The following ZFHX3 variants were observed in gnomAD, a reference collection of about 807,000 sequenced individuals.
The protein encoded by ZFHX3 is zinc finger homeobox 3, also known as zinc finger homeobox protein 3.
ZFHX3 carries 42 observed loss-of-function variants against 279.1 expected under a neutral mutation model. That is an observed-to-expected ratio of 0.15 (90% confidence interval 0.12 to 0.19). ZFHX3 has a LOEUF of 0.19. Ranked by LOEUF, ZFHX3 falls within the 10% of genes least tolerant of loss-of-function variation. The pLI, the probability that ZFHX3 is intolerant of heterozygous loss-of-function variation, is 1.00. For missense variants in ZFHX3, 4,981 were observed against 4,754.0 expected (o/e 1.05, Z -1.40); for synonymous variants, 2,293 against 1,957.8 (o/e 1.17, Z -4.52).
At chr16:73,847,406 T>C (rs544731905) in intron 1 of ZFHX3, among the ~76,000 whole-genome samples, 2 of 152,192 alleles carry the variant, frequency 1.3e-5, no homozygotes, top group African/African-American at 4.8e-5. Context: ...CCCTGGAAAA[T>C]GCATTCCCAT....
intron 3 of ZFHX3, among the ~76,000 whole-genome samples, chr16:73,404,704 C>T (rs559239489): frequency 4.6e-5 from 7 of 152,150 alleles, no homozygotes; most frequent in African/African-American, 7.2e-5. Context: ...CCCCGTTTTA[C>T]GCATAAGGAC....
intron 2 of ZFHX3, among the ~76,000 whole-genome samples, chr16:73,587,032 T>G (rs2051934361): frequency 6.6e-6 from 1 of 152,198 alleles, no homozygotes; most frequent in African/African-American, 2.4e-5. Context: ...ACAAGACCAC[T>G]GAAACAGGCT....
At chr16:73,462,780 G>A (rs1353423044) in intron 2 of ZFHX3, among the ~76,000 whole-genome samples, 1 of 152,058 alleles carries the variant, frequency 6.6e-6, no homozygotes, top group African/African-American at 2.4e-5. Context: ...GAGTCACGGT[G>A]TATCATTCTC....
chr16:72,839,635 C>T (rs1469654489), intron 4 of ZFHX3, among the ~76,000 whole-genome samples: 1 of 151,714 alleles, frequency 6.6e-6, no homozygotes, highest in African/African-American at 2.4e-5. Flanking sequence ...GCCCCACCCC[C>T]CCCAAAAAAA....
intron 3 of ZFHX3, among the ~76,000 whole-genome samples, chr16:73,364,037 G>C (rs926372883): frequency 3.9e-5 from 6 of 152,086 alleles, no homozygotes; most frequent in Non-Finnish European, 8.8e-5. Context: ...GCCGGGCATG[G>C]TGACGCATGC....
chr16:73,819,554 G>C (rs568584955), intron 1 of ZFHX3, among the ~76,000 whole-genome samples: 2 of 152,102 alleles, frequency 1.3e-5, no homozygotes, highest in Non-Finnish European at 2.9e-5. Context: ...CCACTTTGTG[G>C]TCTAATATTG....
intron 2 of ZFHX3, among the ~76,000 whole-genome samples, chr16:73,587,616 T>C (rs1034873044): frequency 6.6e-6 from 1 of 152,220 alleles, no homozygotes; most frequent in Non-Finnish European, 1.5e-5. Context: ...GACATGTGTC[T>C]AACATTCTCA....
At chr16:72,920,607 T>G (rs1024926686) in intron 3 of ZFHX3, among the ~76,000 whole-genome samples, 6 of 151,520 alleles carry the variant, frequency 4.0e-5, no homozygotes, top group African/African-American at 1.5e-4. Context: ...GAGGTGGAGG[T>G]TGTAGTGAGA....
At chr16:73,761,942 G>A (rs11646164) in intron 1 of ZFHX3, among the ~76,000 whole-genome samples, 23,919 of 151,980 alleles carry the variant, frequency 0.16, 2,666 homozygotes, top group East Asian at 0.53. Context: ...TCACGACAAA[G>A]ATGTCAAAAG....
At chr16:73,154,055 G>A (rs1405833549) in intron 5 of ZFHX3, among the ~76,000 whole-genome samples, 1 of 152,144 alleles carries the variant, frequency 6.6e-6, no homozygotes, top group African/African-American at 2.4e-5. Context: ...GATTCTGGCT[G>A]TCAACGTGAT....
intron 5 of ZFHX3, among the ~76,000 whole-genome samples, chr16:73,172,363 G>T (rs1967550732): frequency 6.6e-6 from 1 of 152,188 alleles, no homozygotes; most frequent in African/African-American, 2.4e-5. Flanking sequence ...GGAGAGATCC[G>T]TCTCCTTTGA....
At chr16:73,104,595 C>T (rs1475590262) in intron 7 of ZFHX3, among the ~76,000 whole-genome samples, 1 of 152,092 alleles carries the variant, frequency 6.6e-6, no homozygotes. Context: ...ATTTTCTTTA[C>T]GAGAGACTCT....
At chr16:72,929,750 G>C (rs1274562434) in intron 3 of ZFHX3, among the ~76,000 whole-genome samples, 1 of 152,146 alleles carries the variant, frequency 6.6e-6, no homozygotes, top group East Asian at 1.9e-4. Flanking sequence ...ATTAAAACAA[G>C]TGTGCACTGG....
At chr16:72,856,601 T>C (rs917492278) in intron 4 of ZFHX3, among the ~76,000 whole-genome samples, 9 of 152,170 alleles carry the variant, frequency 5.9e-5, no homozygotes, top group African/African-American at 2.2e-4. Context: ...CAGAGGTACG[T>C]GTAGGTCCAA....
Position 73,458,678 on chromosome 16 carries a change from C to T in ZFHX3, c.-1546-2420G>A, listed in dbSNP as rs530279709. On this transcript the variant is annotated intron_variant, in intron 2 of 17. Transcript: ENST00000641206. Reference sequence around the variant, plus strand: ...TTGTCTTGATGCGGGTTGGCTCCCTCGGTCACCTCTCCCTACCCCAGGTCA... The same window carrying T: ...TTGTCTTGATGCGGGTTGGCTCCCTTGGTCACCTCTCCCTACCCCAGGTCA... Among the ~76,000 whole-genome samples, 22 of 152,254 alleles carry T rather than the reference C, an allele frequency of 1.4e-4. No individual in the cohort carries two copies. The South Asian group carries it at 1.7e-3, about 11-fold the overall frequency.
intron 1 of ZFHX3, among the ~76,000 whole-genome samples, chr16:72,988,312 C>T (rs905484646): frequency 6.6e-6 from 1 of 152,196 alleles, no homozygotes; most frequent in Admixed American, 6.5e-5. Flanking sequence ...GCCAGCCAGT[C>T]CCGGAGCTAC....
intron 1 of ZFHX3, among the ~76,000 whole-genome samples, chr16:73,053,944 G>A (rs777906874): frequency 1.3e-5 from 2 of 151,634 alleles, no homozygotes; most frequent in Non-Finnish European, 2.9e-5. Context: ...TCTATAAAAA[G>A]CCTTCCTAAA....
At chr16:73,511,638 C>T (rs1461805858) in intron 2 of ZFHX3, among the ~76,000 whole-genome samples, 2 of 152,068 alleles carry the variant, frequency 1.3e-5, no homozygotes, top group Non-Finnish European at 1.5e-5. Context: ...CTGTGAAAAC[C>T]AGGGGCTCTC....
At chr16:73,467,427 T>A (rs1398681044) in intron 2 of ZFHX3, among the ~76,000 whole-genome samples, 7 of 151,852 alleles carry the variant, frequency 4.6e-5, no homozygotes, top group Non-Finnish European at 7.4e-5. Flanking sequence ...GAAATGGGGG[T>A]TGAACAGAAA....
Sources: allele counts gnomAD v4.1 joint callset (sites outside exome capture counted in the v4.1 genomes callset), GRCh38; gene constraint gnomAD v4.1.1; transcripts MANE v1.5; gene names NCBI Gene and HGNC (gene_info 2026-07-23, HGNC 2026-07-21).